Variants in FREM2 observed in about 807,000 individuals in gnomAD.
FREM2 encodes the protein FRAS1 related extracellular matrix 2.
Under a neutral mutation model 219.9 loss-of-function variants are expected in FREM2, and 119 were observed. The ratio of observed to expected loss-of-function variants is 0.54; its 90% CI spans 0.47 to 0.63. FREM2 has a LOEUF of 0.63. Ranked by LOEUF, FREM2 falls within the 30% of genes least tolerant of loss-of-function variation. The probability of loss-of-function intolerance (pLI) is 0.00; values close to 1 mark genes in which losing one functional copy is unlikely to be tolerated. For missense variants in FREM2, 4,030 were observed against 3,993.6 expected (o/e 1.01, Z -0.25); for synonymous variants, 1,562 against 1,522.8 (o/e 1.03, Z -0.60).
chr13:38,817,401 G>A (rs1030958317), intron 6 of FREM2, among the ~76,000 whole-genome samples: 5 of 151,876 alleles, frequency 3.3e-5, no homozygotes, highest in Admixed American at 3.3e-4. Flanking sequence ...GAACCCAGAA[G>A]TAAATTTACA....
intron 6 of FREM2, among the ~76,000 whole-genome samples, chr13:38,796,714 T>TGCTGCA (rs2137845144): frequency 6.6e-6 from 1 of 152,322 alleles, no homozygotes; most frequent in East Asian, 1.9e-4. Context: ...TTATAAATAG[T>TGCTGCA]GCTGCAATGA....
chr13:38,706,636 T>G (rs1870553033), intron 2 of FREM2, among the ~76,000 whole-genome samples: 1 of 152,220 alleles, frequency 6.6e-6, no homozygotes, highest in African/African-American at 2.4e-5. Context: ...CTTGATTTTA[T>G]TTTATGAAAA....
intron 2 of FREM2, among the ~76,000 whole-genome samples, chr13:38,707,458 G>A (rs1870587088): frequency 6.6e-6 from 1 of 152,190 alleles, no homozygotes; most frequent in Admixed American, 6.5e-5. Flanking sequence ...GATGAAGGAA[G>A]TGAGGACACA....
intron 2 of FREM2, among the ~76,000 whole-genome samples, chr13:38,745,464 A>T (rs1872426967): frequency 6.6e-6 from 1 of 152,170 alleles, no homozygotes; most frequent in African/African-American, 2.4e-5. Flanking sequence ...TTGTGGTATA[A>T]TTGCTAATAA....
chr13:38,764,949 T>C (rs939858326), intron 3 of FREM2, among the ~76,000 whole-genome samples: 12 of 152,216 alleles, frequency 7.9e-5, no homozygotes, highest in African/African-American at 2.7e-4. Context: ...CTCGCTCTGT[T>C]GCCCAGGTTG....
chr13:38,707,436 A>G lies in FREM2; in HGVS notation c.5263+9649A>G, dbSNP rs374876981. On this transcript the variant is annotated intron_variant, in intron 2 of 23. Coordinates refer to ENST00000280481, the MANE Select transcript of FREM2 (RefSeq NM_207361.6). ...CTAAGCTTAGAAAATAGCAGCCTTCATGGTAGCTTTTGATGAAGGAAGTGA... is the reference window on the plus strand; with the variant it reads ...CTAAGCTTAGAAAATAGCAGCCTTCGTGGTAGCTTTTGATGAAGGAAGTGA... Among the ~76,000 whole-genome samples, 4 of 152,320 alleles carry G rather than the reference A, an allele frequency of 2.6e-5. No homozygotes were observed. In the South Asian group the frequency reaches 6.2e-4, roughly 24 times the overall value.
At chr13:38,853,157 G>A (rs533933195) in intron 11 of FREM2, among the ~76,000 whole-genome samples, 26 of 151,322 alleles carry the variant, frequency 1.7e-4, no homozygotes, top group Admixed American at 6.6e-4. Context: ...GCAAAACCCC[G>A]TCTCTACTAA....
intron 6 of FREM2, among the ~76,000 whole-genome samples, chr13:38,800,106 A>G (rs1199497940): frequency 1.3e-5 from 2 of 151,820 alleles, no homozygotes; most frequent in African/African-American, 4.8e-5. Context: ...TAGTGGTATC[A>G]TTTGAGTCCT....
At chr13:38,734,601 A>C (rs1871903622) in intron 2 of FREM2, among the ~76,000 whole-genome samples, 1 of 152,206 alleles carries the variant, frequency 6.6e-6, no homozygotes. Context: ...TCTAAACTGA[A>C]GAAATTTAAA....
At chr13:38,859,877 A>G (rs1332847678) in intron 14 of FREM2, among the ~76,000 whole-genome samples, 1 of 150,102 alleles carries the variant, frequency 6.7e-6, no homozygotes, top group Non-Finnish European at 1.5e-5. Flanking sequence ...TTGAAGATGC[A>G]GACACATTTT....
At chr13:38,721,248 G>A (rs567511859) in intron 2 of FREM2, among the ~76,000 whole-genome samples, 28 of 152,196 alleles carry the variant, frequency 1.8e-4, no homozygotes, top group Non-Finnish European at 4.0e-4. Flanking sequence ...TCAGCTGACA[G>A]TGACATTGAA....
intron 2 of FREM2, among the ~76,000 whole-genome samples, chr13:38,750,467 T>A (rs1872700906): frequency 6.6e-6 from 1 of 152,226 alleles, no homozygotes; most frequent in Admixed American, 6.5e-5. Context: ...TTCATTTTTT[T>A]TATGGTTGAA....
intron 6 of FREM2, among the ~76,000 whole-genome samples, chr13:38,798,592 G>A (rs2137847332): frequency 6.6e-6 from 1 of 152,098 alleles, no homozygotes; most frequent in South Asian, 2.1e-4. Flanking sequence ...AATTTATTAA[G>A]TCCTGAGCTT....
intron 16 of FREM2, among the ~76,000 whole-genome samples, chr13:38,868,937 A>C (rs536749118): frequency 1.2e-4 from 18 of 152,218 alleles, no homozygotes; most frequent in African/African-American, 4.1e-4. Context: ...TTTATTGACC[A>C]CCCCAGGAAA....
chr13:38,843,978 A>C (rs1877056052), intron 6 of FREM2, among the ~76,000 whole-genome samples: 1 of 151,960 alleles, frequency 6.6e-6, no homozygotes, highest in African/African-American at 2.4e-5. Context: ...GTAATTGATT[A>C]TTTGACCAGT....
chr13:38,799,365 T>C (rs1055322890), intron 6 of FREM2, among the ~76,000 whole-genome samples: 1 of 152,098 alleles, frequency 6.6e-6, no homozygotes, highest in Non-Finnish European at 1.5e-5. Context: ...TTGTTGAGGC[T>C]TGTTTTGTGG....
chr13:38,787,893 G>A (rs558677070), intron 6 of FREM2, among the ~76,000 whole-genome samples: 5 of 152,124 alleles, frequency 3.3e-5, no homozygotes, highest in Admixed American at 3.3e-4. Context: ...AGGAACAAAG[G>A]AGGTGGCACA....
intron 6 of FREM2, among the ~76,000 whole-genome samples, chr13:38,802,538 G>A (rs1052186287): frequency 6.6e-6 from 1 of 152,126 alleles, no homozygotes; most frequent in Non-Finnish European, 1.5e-5. Flanking sequence ...CAGTTTGATT[G>A]CACCCCAGTC....
intron 6 of FREM2, among the ~76,000 whole-genome samples, chr13:38,840,838 C>T (rs144519659): frequency 0.017 from 2,559 of 152,024 alleles, 89 homozygotes; most frequent in African/African-American, 0.058. Flanking sequence ...TCCAATTGCA[C>T]CCTAATACAA....
Sources: gnomAD v4.1 joint callset for allele counts (sites outside exome capture counted in the v4.1 genomes callset) on GRCh38, gnomAD v4.1.1 for gene constraint, MANE v1.5 for transcripts, NCBI Gene and HGNC (gene_info 2026-07-23, HGNC 2026-07-21) for gene names.